The following CRYL1 variants were observed in gnomAD, a reference collection of about 807,000 sequenced individuals.
CRYL1 encodes the protein crystallin lambda 1.
In CRYL1, 29 loss-of-function variants were observed where a neutral mutation model predicts 36.6. The ratio of observed to expected loss-of-function variants is 0.79; its 90% CI spans 0.59 to 1.08. CRYL1 has a LOEUF of 1.08. Ranked by LOEUF, CRYL1 falls within the 50% of genes least tolerant of loss-of-function variation. The probability of loss-of-function intolerance (pLI) is 0.00; values close to 1 mark genes in which losing one functional copy is unlikely to be tolerated. For synonymous variants in CRYL1, 152 were observed against 151.5 expected, an observed-to-expected ratio of 1.00 and a Z score of -0.02; for missense variants, 411 against 407.9, an observed-to-expected ratio of 1.01 and a Z score of -0.06.
rs561662388 is a variant in CRYL1, at chr13:20,520,000, A to G, written c.41+5754T>C. 1.5e-4 allele frequency among the ~76,000 whole-genome samples: 23 copies of G among 152,334 alleles called. No homozygotes were observed. The South Asian group carries it at 4.6e-3, about 30-fold the overall frequency. On this transcript the variant is annotated intron_variant, in intron 1 of 7. Transcript: ENST00000298248. Reference sequence around the variant, plus strand: ...ACATGCTGACATATTTACAGACGAAATGATTCAATGCCTGGCATTTGTTTC... The same window carrying G: ...ACATGCTGACATATTTACAGACGAAGTGATTCAATGCCTGGCATTTGTTTC...
At position 20,495,988 on chromosome 13, in the gene CRYL1, G is replaced by A. The variant is rs148452772; in HGVS notation, c.150-6492C>T. ...GATTTTTGTATTTTTTAGTGGAGAC[G>A]GGTTTTCACTCTATGTTGGCCAGGC... On this transcript the variant is annotated intron_variant, in intron 2 of 7. Transcript: ENST00000298248. 1.8e-4 allele frequency among the ~76,000 whole-genome samples: 27 copies of A among 152,264 alleles called. No individual in the cohort carries two copies. In the East Asian group the frequency reaches 4.6e-3, roughly 26 times the overall value.
At chr13:20,443,851 T>C (rs765121309) in intron 3 of CRYL1, among the ~76,000 whole-genome samples, 5 of 152,222 alleles carry the variant, frequency 3.3e-5, no homozygotes, top group Non-Finnish European at 7.3e-5. Context: ...ATCTATTAGA[T>C]AATTTTAAGA....
intron 3 of CRYL1, among the ~76,000 whole-genome samples, chr13:20,469,478 C>T (rs113036940): frequency 8.5e-5 from 13 of 152,274 alleles, no homozygotes; most frequent in African/African-American, 2.2e-4. Context: ...CTTTCAGCTA[C>T]GTGCAATCTA....
At position 20,467,895 on chromosome 13, in the gene CRYL1, G is replaced by A. The variant is rs1052278437; in HGVS notation, c.276+21475C>T. Among the ~76,000 whole-genome samples, 6 of 152,198 alleles carry A rather than the reference G, an allele frequency of 3.9e-5. No homozygotes were observed. In the South Asian group the frequency reaches 6.2e-4, roughly 16 times the overall value. ...CCACGCAGCAGGAGGTGAGCCGTGC[G>A]CCTGAGCTCCACCTCCTGTTAGATC... is the stretch of plus-strand genomic sequence containing the variant. On this transcript the variant is annotated intron_variant, in intron 3 of 7. Coordinates refer to ENST00000298248, the MANE Select transcript of CRYL1 (RefSeq NM_015974.3).
intron 3 of CRYL1, among the ~76,000 whole-genome samples, chr13:20,470,582 A>G (rs1490411209): frequency 1.3e-5 from 2 of 152,170 alleles, no homozygotes; most frequent in African/African-American, 4.8e-5. Context: ...CCAAAACTTC[A>G]TTCCTCCCAG....
At chr13:20,411,864 C>A (rs1032482947) in intron 6 of CRYL1, among the ~76,000 whole-genome samples, 4 of 152,178 alleles carry the variant, frequency 2.6e-5, no homozygotes, top group African/African-American at 4.8e-5. Flanking sequence ...GAACACACGG[C>A]CCATCCACTT....
At chr13:20,477,765 T>G (rs1445194110) in intron 3 of CRYL1, among the ~76,000 whole-genome samples, 2 of 146,074 alleles carry the variant, frequency 1.4e-5, no homozygotes, top group African/African-American at 5.0e-5. Context: ...CTAGATAATA[T>G]ATAATTGTAT....
At chr13:20,429,983 C>T (rs187395330) in intron 5 of CRYL1, among the ~76,000 whole-genome samples, 27 of 152,262 alleles carry the variant, frequency 1.8e-4, no homozygotes, top group Admixed American at 3.9e-4. Context: ...GTCAGCACCA[C>T]GACAAGCCCC....
At chr13:20,411,518 C>T in intron 6 of CRYL1, among the ~76,000 whole-genome samples, 1 of 152,164 alleles carries the variant, frequency 6.6e-6, no homozygotes, top group East Asian at 1.9e-4. Flanking sequence ...CAGTGGTTAT[C>T]AGGCAGCGTC....
At chr13:20,502,894 C>T (rs1037162859) in intron 2 of CRYL1, among the ~76,000 whole-genome samples, 2 of 152,176 alleles carry the variant, frequency 1.3e-5, no homozygotes, top group African/African-American at 4.8e-5. Flanking sequence ...TCACACAATT[C>T]TTGAGTCCAA....
chr13:20,459,196 G>A (rs544212970), intron 3 of CRYL1, among the ~76,000 whole-genome samples: 11 of 138,010 alleles, frequency 8.0e-5, no homozygotes, highest in South Asian at 4.6e-4. Flanking sequence ...AGTTCACGCC[G>A]CTGTACTCCA....
At chr13:20,521,653 G>A (rs774943294) in intron 1 of CRYL1, among the ~76,000 whole-genome samples, 4 of 152,094 alleles carry the variant, frequency 2.6e-5, no homozygotes, top group East Asian at 1.9e-4. Flanking sequence ...ATCTTAATGG[G>A]TACTACAAAA....
At chr13:20,497,479 C>A (rs117840932) in intron 2 of CRYL1, among the ~76,000 whole-genome samples, 95 of 500 alleles carry the variant, frequency 0.19, 23 homozygotes, top group Middle Eastern at 0.5. Flanking sequence ...CACACACCAC[C>A]ACACACACAA....
chr13:20,404,847 G>A (rs1393234183), intron 6 of CRYL1, 106 bp from the exon 7 acceptor site: 3 of 773,682 alleles, frequency 3.9e-6, no homozygotes, highest in Non-Finnish European at 4.5e-6. Context: ...GGTCAGATAA[G>A]CTACACTCTT....
At chr13:20,501,953 A>C (rs4770047) in intron 2 of CRYL1, among the ~76,000 whole-genome samples, 56,612 of 152,076 alleles carry the variant, frequency 0.37, 10,925 homozygotes, top group East Asian at 0.47. Flanking sequence ...GCCCAACCAC[A>C]CAGTCCATGT....
chr13:20,427,171 T>G (rs1012491105), intron 5 of CRYL1: 2 of 985,246 alleles, frequency 2.0e-6, no homozygotes, highest in South Asian at 9.4e-5. Context: ...TGAAATGACA[T>G]CCCAGCCAAT....
At chr13:20,491,428 A>G (rs894732976) in intron 2 of CRYL1, among the ~76,000 whole-genome samples, 1 of 152,200 alleles carries the variant, frequency 6.6e-6, no homozygotes, top group African/African-American at 2.4e-5. Flanking sequence ...AATATCCTGG[A>G]CCACCATCCC....
At chr13:20,504,740 C>T (rs970250461) in intron 2 of CRYL1, among the ~76,000 whole-genome samples, 1 of 152,170 alleles carries the variant, frequency 6.6e-6, no homozygotes, top group Non-Finnish European at 1.5e-5. Flanking sequence ...GAAATGTAAA[C>T]ATGCTAAGTT....
At chr13:20,511,702 G>C (rs542640620) in intron 2 of CRYL1, among the ~76,000 whole-genome samples, 4 of 152,208 alleles carry the variant, frequency 2.6e-5, no homozygotes, top group African/African-American at 7.2e-5. Context: ...ACCCTGTTCC[G>C]TGACGGCACC....
Sources: gnomAD v4.1 joint callset for allele counts (sites outside exome capture counted in the v4.1 genomes callset) on GRCh38, gnomAD v4.1.1 for gene constraint, MANE v1.5 for transcripts, NCBI Gene and HGNC (gene_info 2026-07-23, HGNC 2026-07-21) for gene names.